CDH13: variants seen among roughly 807,000 people sequenced by gnomAD.
The protein encoded by CDH13 is cadherin 13.
CDH13 carries 24 observed loss-of-function variants against 63.8 expected under a neutral mutation model. That is an observed-to-expected ratio of 0.38 (90% CI 0.27 to 0.53). The LOEUF is 0.53. CDH13 is among the 20% of genes least tolerant of loss of function. The pLI, the probability that CDH13 is intolerant of heterozygous loss-of-function variation, is 0.85. For missense variants in CDH13, 1,049 were observed against 903.1 expected, an observed-to-expected ratio of 1.16 and a Z score of -2.07; for synonymous variants, 503 against 355.3, an observed-to-expected ratio of 1.42 and a Z score of -4.67.
chr16:83,044,299 C>G (rs1033758469), intron 3 of CDH13, among the ~76,000 whole-genome samples: 8 of 152,164 alleles, frequency 5.3e-5, no homozygotes, highest in South Asian at 2.1e-4. Flanking sequence ...CTAATACTGA[C>G]ATTTATGGCA....
In CDH13 at chr16:83,306,756, T is replaced by C. The variant is rs573760811; in HGVS notation, c.637-38106T>C. On this transcript the variant is annotated intron_variant, in intron 5 of 13. Transcript: ENST00000567109. ...TTATGAGGACTCTTGCAAGCCATGA[T>C]AAGAAATGTGGGTTGTATCCCACAG... is the stretch of plus-strand genomic sequence containing the variant. Among the ~76,000 whole-genome samples, 611 of 152,176 alleles carry C rather than the reference T, an allele frequency of 4.0e-3. 3 individuals carry two copies. The highest frequency in any genetic ancestry group is 0.014 in the African/African-American group (570 of 41,532).
At chr16:82,833,958 C>T (rs553976800) in intron 1 of CDH13, among the ~76,000 whole-genome samples, 9 of 152,258 alleles carry the variant, frequency 5.9e-5, no homozygotes, top group East Asian at 5.8e-4. Context: ...TATTACTTAC[C>T]TTGTGGGTGG....
At chr16:83,123,720 C>A (rs1243230626) in intron 3 of CDH13, among the ~76,000 whole-genome samples, 1 of 152,020 alleles carries the variant, frequency 6.6e-6, no homozygotes, top group African/African-American at 2.4e-5. Flanking sequence ...GTGTATATAC[C>A]TGGTAGTGGG....
chr16:83,544,493 T>G (rs1475087002), intron 7 of CDH13, among the ~76,000 whole-genome samples: 2 of 152,136 alleles, frequency 1.3e-5, no homozygotes, highest in African/African-American at 4.8e-5. Context: ...TTAAACACAC[T>G]GAGAACACTT....
intron 2 of CDH13, among the ~76,000 whole-genome samples, chr16:82,998,048 T>C (rs1912442207): frequency 6.6e-6 from 1 of 152,240 alleles, no homozygotes; most frequent in East Asian, 1.9e-4. Flanking sequence ...CTCACAGTCA[T>C]GGTCAATTCA....
Position 83,613,281 on chromosome 16 carries a change from G to C in CDH13, c.1101+10687G>C, listed in dbSNP as rs939709694. On this transcript the variant is annotated intron_variant, in intron 8 of 13. Transcript: ENST00000567109. ...GACATGCTGAACTGTGGTTTAATTCGTATTAATTATACTTGTTCCTTAAAT... is the reference window on the plus strand; with the variant it reads ...GACATGCTGAACTGTGGTTTAATTCCTATTAATTATACTTGTTCCTTAAAT... Among the ~76,000 whole-genome samples, 4 of 152,062 alleles carry C rather than the reference G, an allele frequency of 2.6e-5. No individual in the cohort carries two copies. The South Asian group carries it at 8.3e-4, about 31-fold the overall frequency.
intron 1 of CDH13, among the ~76,000 whole-genome samples, chr16:82,834,778 C>T (rs766362455): frequency 2.0e-5 from 3 of 152,212 alleles, no homozygotes; most frequent in Non-Finnish European, 4.4e-5. Flanking sequence ...GGAAAGGGGT[C>T]TGCAAACTCT....
At chr16:83,416,638 C>A (rs2071558343) in intron 6 of CDH13, among the ~76,000 whole-genome samples, 1 of 152,174 alleles carries the variant, frequency 6.6e-6, no homozygotes, top group African/African-American at 2.4e-5. Flanking sequence ...TCCTGAGCAT[C>A]CAGATTTGAA....
intron 6 of CDH13, among the ~76,000 whole-genome samples, chr16:83,356,707 G>C (rs902883351): frequency 2.6e-5 from 4 of 152,098 alleles, no homozygotes; most frequent in African/African-American, 7.2e-5. Flanking sequence ...AAATGGAAGA[G>C]ATTCAGTATG....
At chr16:83,177,509 T>G (rs556363211) in intron 4 of CDH13, among the ~76,000 whole-genome samples, 7 of 152,340 alleles carry the variant, frequency 4.6e-5, no homozygotes, top group African/African-American at 1.7e-4. Flanking sequence ...ATCTTGTAAG[T>G]TGGAGATTGT....
intron 7 of CDH13, among the ~76,000 whole-genome samples, chr16:83,584,951 C>T (rs1292110997): frequency 1.3e-5 from 2 of 152,182 alleles, no homozygotes; most frequent in Non-Finnish European, 2.9e-5. Flanking sequence ...GGAGAACTCA[C>T]TCACTACTGT....
At chr16:82,712,695 C>T (rs2032042754) in intron 1 of CDH13, among the ~76,000 whole-genome samples, 1 of 152,128 alleles carries the variant, frequency 6.6e-6, no homozygotes, top group Non-Finnish European at 1.5e-5. Context: ...CCCCTGAAGC[C>T]GCAGCTGAGA....
At chr16:83,421,400 C>T (rs550021625) in intron 6 of CDH13, among the ~76,000 whole-genome samples, 1 of 152,274 alleles carries the variant, frequency 6.6e-6, no homozygotes, top group South Asian at 2.1e-4. Flanking sequence ...AGCAGCTCAT[C>T]ATAATATTAT....
At chr16:83,420,012 C>G (rs2071669970) in intron 6 of CDH13, among the ~76,000 whole-genome samples, 1 of 151,388 alleles carries the variant, frequency 6.6e-6, no homozygotes, top group Non-Finnish European at 1.5e-5. Context: ...CACATTGCAT[C>G]TTGGGAGGCA....
intron 1 of CDH13, among the ~76,000 whole-genome samples, chr16:82,790,031 C>T (rs368995168): frequency 2.6e-4 from 39 of 152,298 alleles, no homozygotes; most frequent in African/African-American, 8.9e-4. Flanking sequence ...AGGACTTCTT[C>T]TTACCTAGAT....
chr16:82,796,033 G>A (rs1309113536), intron 1 of CDH13, among the ~76,000 whole-genome samples: 1 of 149,706 alleles, frequency 6.7e-6, no homozygotes, highest in Non-Finnish European at 1.5e-5. Flanking sequence ...ACAAACTAAT[G>A]GACCCAACAG....
At chr16:83,132,011 G>A (rs2036076020) in intron 4 of CDH13, among the ~76,000 whole-genome samples, 1 of 152,158 alleles carries the variant, frequency 6.6e-6, no homozygotes, top group Non-Finnish European at 1.5e-5. Flanking sequence ...CTGTGCATCT[G>A]ATTCTTAGAG....
intron 2 of CDH13, among the ~76,000 whole-genome samples, chr16:82,910,102 A>G (rs1055878013): frequency 6.6e-6 from 1 of 152,134 alleles, no homozygotes; most frequent in African/African-American, 2.4e-5. Flanking sequence ...CTCTTTACGC[A>G]TCCCATCAAA....
chr16:83,426,047 C>G (rs898547201), intron 6 of CDH13, among the ~76,000 whole-genome samples: 9 of 152,120 alleles, frequency 5.9e-5, no homozygotes, highest in Non-Finnish European at 1.2e-4. Context: ...TCCTATCCTC[C>G]CAACTTCTTA....
Sources: allele counts gnomAD v4.1 joint callset (sites outside exome capture counted in the v4.1 genomes callset), GRCh38; gene constraint gnomAD v4.1.1; transcripts MANE v1.5; gene names NCBI Gene and HGNC (gene_info 2026-07-23, HGNC 2026-07-21).